The following GRID2 variants were observed in gnomAD, a reference collection of about 807,000 sequenced individuals.
GRID2 encodes the protein glutamate ionotropic receptor delta type subunit 2, also known as glutamate receptor ionotropic, delta-2.
GRID2 carries 33 observed loss-of-function variants against 114.8 expected under a neutral mutation model. The ratio of observed to expected loss-of-function variants is 0.29; its 90% CI spans 0.22 to 0.38. The LOEUF is 0.38. Among genes scored for constraint, GRID2 ranks in the 10% least tolerant of loss-of-function variants. The probability of loss-of-function intolerance (pLI) is 1.00; values close to 1 mark genes in which losing one functional copy is unlikely to be tolerated. For synonymous variants in GRID2, 505 were observed against 449.9 expected, an observed-to-expected ratio of 1.12 and a Z score of -1.55; for missense variants, 1,184 against 1,257.7, an observed-to-expected ratio of 0.94 and a Z score of 0.89.
intron 6 of GRID2, 88 bp from the exon 7 acceptor site, chr4:93,224,526 C>A: frequency 1.2e-6 from 1 of 810,634 alleles, no homozygotes; most frequent in Non-Finnish European, 2.0e-6. Flanking sequence ...ATGACATGAA[C>A]AGAAGCAGTT....
intron 14 of GRID2, among the ~76,000 whole-genome samples, chr4:93,760,169 C>T (rs1177163774): frequency 6.6e-6 from 1 of 152,122 alleles, no homozygotes; most frequent in Non-Finnish European, 1.5e-5. Context: ...ATCATTCCTC[C>T]CTCACAAGGT....
At chr4:92,541,201 A>G (rs1212384320) in intron 1 of GRID2, among the ~76,000 whole-genome samples, 2 of 152,070 alleles carry the variant, frequency 1.3e-5, no homozygotes, top group Non-Finnish European at 2.9e-5. Flanking sequence ...TTAAATGACG[A>G]GTTACTGGGT....
intron 14 of GRID2, among the ~76,000 whole-genome samples, chr4:93,742,623 G>T (rs1489105421): frequency 6.6e-6 from 1 of 152,048 alleles, no homozygotes; most frequent in African/African-American, 2.4e-5. Context: ...CATTATTATT[G>T]TATTTGTTAG....
intron 1 of GRID2, among the ~76,000 whole-genome samples, chr4:92,464,696 TA>T (rs1417587242): frequency 1.2e-4 from 18 of 152,076 alleles, no homozygotes; most frequent in Admixed American, 1.2e-3. Flanking sequence ...TACAGTCTAT[TA>T]GTGGAGCTAG....
At chr4:92,534,682 G>T (rs1725519968) in intron 1 of GRID2, among the ~76,000 whole-genome samples, 1 of 152,224 alleles carries the variant, frequency 6.6e-6, no homozygotes, top group East Asian at 1.9e-4. Context: ...GAATCCAAAA[G>T]CTTCTGTCAC....
At position 92,435,082 on chromosome 4, in the gene GRID2, G is replaced by T. The variant is rs531521704; in HGVS notation, c.88+130338G>T. On this transcript the variant is annotated intron_variant, in intron 1 of 15. Coordinates refer to ENST00000282020, the MANE Select transcript of GRID2 (RefSeq NM_001510.4). Reference sequence around the variant, plus strand: ...ATATCTTCTATGTTTCATTTACACAGGATTATGTACCTCTTCATTTTTAAT... The same window carrying T: ...ATATCTTCTATGTTTCATTTACACATGATTATGTACCTCTTCATTTTTAAT... 7.2e-5 allele frequency among the ~76,000 whole-genome samples: 11 copies of T among 152,192 alleles called. 1 individual carries two copies. Among genetic ancestry groups the T allele is most frequent in the Admixed American group, 7.2e-4 (11 of 15,276 alleles).
chr4:93,193,827 G>A (rs1037309855), intron 4 of GRID2, among the ~76,000 whole-genome samples: 4 of 152,118 alleles, frequency 2.6e-5, no homozygotes, highest in African/African-American at 9.7e-5. Context: ...AGAAAGTCTT[G>A]GCATACATCT....
At chr4:93,598,406 C>G (rs931618106) in intron 13 of GRID2, among the ~76,000 whole-genome samples, 2 of 152,116 alleles carry the variant, frequency 1.3e-5, no homozygotes, top group Admixed American at 6.5e-5. Context: ...CTCACTCACT[C>G]TCTTTTAAAG....
chr4:92,425,002 T>A (rs1732089577), intron 1 of GRID2, among the ~76,000 whole-genome samples: 1 of 152,020 alleles, frequency 6.6e-6, no homozygotes, highest in African/African-American at 2.4e-5. Context: ...GTATTGTTAT[T>A]AAACATTTTT....
chr4:92,313,537 G>A (rs1454041503), intron 1 of GRID2, among the ~76,000 whole-genome samples: 1 of 151,958 alleles, frequency 6.6e-6, no homozygotes, highest in South Asian at 2.1e-4. Flanking sequence ...AGGGGAAGAC[G>A]TGCAGAGAGA....
chr4:93,561,714 C>T (rs1287084273), intron 13 of GRID2, among the ~76,000 whole-genome samples: 1 of 152,114 alleles, frequency 6.6e-6, no homozygotes, highest in Non-Finnish European at 1.5e-5. Context: ...ACCCTGGCAA[C>T]CACTGATCTT....
chr4:93,731,945 G>T (rs771993215), intron 14 of GRID2, among the ~76,000 whole-genome samples: 30 of 152,146 alleles, frequency 2.0e-4, no homozygotes, highest in Non-Finnish European at 3.2e-4. Context: ...ACAGAATCCA[G>T]CAAGGATAGG....
At chr4:93,566,541 G>A (rs192411978) in intron 13 of GRID2, among the ~76,000 whole-genome samples, 4 of 152,200 alleles carry the variant, frequency 2.6e-5, no homozygotes, top group East Asian at 1.9e-4. Context: ...AGGCTGAGGC[G>A]GGTGGATTGC....
At chr4:93,732,201 A>T (rs559111528) in intron 14 of GRID2, among the ~76,000 whole-genome samples, 1 of 152,324 alleles carries the variant, frequency 6.6e-6, no homozygotes, top group Non-Finnish European at 1.5e-5. Flanking sequence ...TAGCATAGTG[A>T]GGCCTATGTA....
At chr4:92,458,300 G>T (rs1460756504) in intron 1 of GRID2, among the ~76,000 whole-genome samples, 1 of 152,308 alleles carries the variant, frequency 6.6e-6, no homozygotes, top group Non-Finnish European at 1.5e-5. Flanking sequence ...CCTGGGTTCA[G>T]CCACTTAATT....
At chr4:93,559,478 A>G (rs116490090) in intron 13 of GRID2, among the ~76,000 whole-genome samples, 1,613 of 152,356 alleles carry the variant, frequency 0.011, 37 homozygotes, top group African/African-American at 0.036. Context: ...ATATGAAAAA[A>G]AGCTCATCAT....
chr4:93,652,784 TAAAAAAAAAAAAA>T (rs200098114), intron 14 of GRID2, among the ~76,000 whole-genome samples: 11 of 86,412 alleles, frequency 1.3e-4, no homozygotes, highest in Non-Finnish European at 1.8e-4. Context: ...CAGTAAATGC[TAAAAAAAAAAAAA>T]AAAAAAAAAA....
chr4:92,776,711 A>G (rs1399494066), intron 2 of GRID2, among the ~76,000 whole-genome samples: 1 of 152,102 alleles, frequency 6.6e-6, no homozygotes, highest in Non-Finnish European at 1.5e-5. Flanking sequence ...CTCTACTTCT[A>G]TAGGAATACA....
At chr4:92,429,025 C>G (rs1026848302) in intron 1 of GRID2, among the ~76,000 whole-genome samples, 7 of 152,060 alleles carry the variant, frequency 4.6e-5, no homozygotes, top group Non-Finnish European at 7.4e-5. Flanking sequence ...ACCTCCACCC[C>G]CCGACAGGCC....
Sources: gnomAD v4.1 joint callset for allele counts (sites outside exome capture counted in the v4.1 genomes callset) on GRCh38, gnomAD v4.1.1 for gene constraint, MANE v1.5 for transcripts, NCBI Gene and HGNC (gene_info 2026-07-23, HGNC 2026-07-21) for gene names.